The following B3GLCT variants were observed in gnomAD, a reference collection of about 807,000 sequenced individuals.
The protein encoded by B3GLCT is beta 3-glucosyltransferase.
A neutral mutation model predicts 63.4 loss-of-function variants in B3GLCT; 65 were observed. That is an observed-to-expected ratio of 1.03 (90% CI 0.84 to 1.26). B3GLCT has a LOEUF of 1.26. B3GLCT is among the 50% of genes most tolerant of loss of function. The pLI is 0.00. For missense variants in B3GLCT, 577 were observed against 604.8 expected (o/e 0.95, Z 0.48); for synonymous variants, 233 against 219.2 (o/e 1.06, Z -0.55).
chr13:31,275,630 A>C (rs1872747676), intron 9 of B3GLCT, among the ~76,000 whole-genome samples: 1 of 152,204 alleles, frequency 6.6e-6, no homozygotes, highest in Non-Finnish European at 1.5e-5. Flanking sequence ...CCCAAGGTCC[A>C]GCCCCAGTAT....
intron 1 of B3GLCT, among the ~76,000 whole-genome samples, chr13:31,209,270 G>C (rs1259698296): frequency 6.6e-6 from 1 of 152,192 alleles, no homozygotes; most frequent in Non-Finnish European, 1.5e-5. Flanking sequence ...GGCTGCAGGG[G>C]TGTTTGTTTC....
chr13:31,223,010 T>A lies in B3GLCT; in HGVS notation c.160+19T>A, dbSNP rs775283192. 1.4e-6 allele frequency: 2 copies of A among 1,432,538 alleles called. No individual in the cohort carries two copies. The highest frequency in any genetic ancestry group is 2.3e-5 in the East Asian group (1 of 43,930). The allele number at this position is 1,432,538 out of a possible 1,614,324, so 88.7% of individuals were successfully genotyped here. On this transcript the variant is annotated intron_variant, in intron 3 of 14. Transcript: ENST00000343307. ...GACATAGGTAAGTAATGATTTTTTTTACCTAAGAGTGTGTACTTAGGTATA... is the reference window on the plus strand; with the variant it reads ...GACATAGGTAAGTAATGATTTTTTTAACCTAAGAGTGTGTACTTAGGTATA...
At chr13:31,225,453 T>C (rs1870047460) in intron 3 of B3GLCT, among the ~76,000 whole-genome samples, 1 of 152,202 alleles carries the variant, frequency 6.6e-6, no homozygotes, top group African/African-American at 2.4e-5. Flanking sequence ...AAAATATTTC[T>C]TGGTACTGCT....
chr13:31,282,942 G>A (rs1381426353), intron 10 of B3GLCT: 2 of 152,118 alleles, frequency 1.3e-5, no homozygotes, highest in African/African-American at 2.4e-5. Context: ...CCAGGTGTTG[G>A]GAAATGAGTC....
At chr13:31,284,870 C>A in intron 11 of B3GLCT, 109 bp downstream of exon 11, 3 of 757,880 alleles carry the variant, frequency 4.0e-6, no homozygotes, top group South Asian at 3.0e-5. Context: ...TAATTTTTGC[C>A]TCATATTAGT....
At chr13:31,314,150 A>G (rs903309969) in intron 12 of B3GLCT, among the ~76,000 whole-genome samples, 5 of 152,210 alleles carry the variant, frequency 3.3e-5, no homozygotes, top group African/African-American at 1.2e-4. Context: ...AGCGGCCCTC[A>G]TGGAGAACCT....
intron 4 of B3GLCT, among the ~76,000 whole-genome samples, chr13:31,243,495 A>G (rs1453220547): frequency 6.6e-6 from 1 of 152,164 alleles, no homozygotes; most frequent in African/African-American, 2.4e-5. Flanking sequence ...TAGCTTTTTC[A>G]TTCATACTAT....
At chr13:31,251,080 G>C (rs1871406343) in intron 6 of B3GLCT, among the ~76,000 whole-genome samples, 1 of 152,184 alleles carries the variant, frequency 6.6e-6, no homozygotes, top group Admixed American at 6.5e-5. Context: ...ACAGGATCTG[G>C]AACGGATCTC....
At chr13:31,205,065 A>G (rs1379165646) in intron 1 of B3GLCT, among the ~76,000 whole-genome samples, 1 of 152,110 alleles carries the variant, frequency 6.6e-6, no homozygotes, top group African/African-American at 2.4e-5. Flanking sequence ...TTTTAATTTT[A>G]GGGGGAGGTG....
chr13:31,248,570 T>C (rs1349320822), intron 6 of B3GLCT, among the ~76,000 whole-genome samples: 2 of 152,084 alleles, frequency 1.3e-5, no homozygotes, highest in Non-Finnish European at 2.9e-5. Flanking sequence ...TAATCTGAGT[T>C]CTGTAGGATG....
chr13:31,296,241 G>A (rs554689331), intron 12 of B3GLCT, among the ~76,000 whole-genome samples: 2 of 152,214 alleles, frequency 1.3e-5, no homozygotes, highest in African/African-American at 4.8e-5. Flanking sequence ...GCTGCAGACC[G>A]GAGCTGTTCC....
In B3GLCT at chr13:31,260,950, G is replaced by T; in HGVS notation, c.464G>T (p.Trp155Leu). Residue 155 changes from tryptophan (W) to leucine (L), a missense_variant, in exon 7 of 15, where the codon TGG becomes TTG. Physicochemically the swap from Trp to Leu is moderately conservative, Grantham distance 61. Coordinates refer to ENST00000343307, the MANE Select transcript of B3GLCT (RefSeq NM_194318.4). ...TLRRYDPSKE[W>L]FLGKALHDEE... ...TGTTATATCTTTATTTAACAGGAAT[G>T]GTTTTTGGGAAAAGCATTACATGAT... is the stretch of plus-strand genomic sequence containing the variant. 6.2e-7 allele frequency: 1 copy of T among 1,613,424 alleles called. No individual in the cohort carries two copies. Among genetic ancestry groups the T allele is most frequent in the South Asian group, 1.1e-5 (1 of 91,068 alleles).
chr13:31,288,246 C>T (rs1873447434), intron 12 of B3GLCT, among the ~76,000 whole-genome samples: 1 of 152,144 alleles, frequency 6.6e-6, no homozygotes, highest in African/African-American at 2.4e-5. Context: ...GAATTGAGGA[C>T]TAGCATGCTT....
At chr13:31,278,724 G>A (rs901698129) in intron 10 of B3GLCT, among the ~76,000 whole-genome samples, 1 of 152,166 alleles carries the variant, frequency 6.6e-6, no homozygotes, top group Non-Finnish European at 1.5e-5. Context: ...GCCATCAGTT[G>A]GCCCAAAGAG....
intron 1 of B3GLCT, among the ~76,000 whole-genome samples, chr13:31,201,795 A>G (rs1163920771): frequency 6.6e-6 from 1 of 152,298 alleles, no homozygotes. Flanking sequence ...TTGATAATAC[A>G]CTGAAGGACA....
At chr13:31,325,376 G>A (rs1004326173) in intron 14 of B3GLCT, among the ~76,000 whole-genome samples, 2 of 152,124 alleles carry the variant, frequency 1.3e-5, no homozygotes, top group South Asian at 2.1e-4. Flanking sequence ...TTTCAGTCAC[G>A]CAATAAAAGG....
At position 31,222,224 on chromosome 13, in the gene B3GLCT, G is replaced by A. The variant is rs374334925; in HGVS notation, c.121-728G>A. ...CTCCTGATTAGCTGGGACTACAGGC[G>A]CCTGCCATCATGCCCGGCTAACTTT... is the stretch of plus-strand genomic sequence containing the variant. On this transcript the variant is annotated intron_variant, in intron 2 of 14. Coordinates refer to ENST00000343307, the MANE Select transcript of B3GLCT (RefSeq NM_194318.4). Among the ~76,000 whole-genome samples, 6 of 151,932 alleles carry A rather than the reference G, an allele frequency of 3.9e-5. No homozygotes were observed. In the South Asian group the frequency reaches 6.2e-4, roughly 16 times the overall value.
chr13:31,276,592 G>T, intron 9 of B3GLCT, 110 bp from the exon 10 acceptor site: 1 of 742,368 alleles, frequency 1.3e-6, no homozygotes, highest in Non-Finnish European at 2.4e-6. Context: ...AAATATGTTT[G>T]GTATCCTTGA....
chr13:31,245,405 T>A (rs1017104513), intron 4 of B3GLCT, among the ~76,000 whole-genome samples: 1 of 152,172 alleles, frequency 6.6e-6, no homozygotes, highest in East Asian at 1.9e-4. Context: ...CTTAGCTATG[T>A]TTTAATTGAA....
Sources: allele counts gnomAD v4.1 joint callset (sites outside exome capture counted in the v4.1 genomes callset), GRCh38; gene constraint gnomAD v4.1.1; transcripts MANE v1.5; gene names NCBI Gene and HGNC (gene_info 2026-07-23, HGNC 2026-07-21).